The following NCOA1 variants were observed in gnomAD, a reference collection of about 807,000 sequenced individuals.
NCOA1 encodes Hin-2 protein.
A neutral mutation model predicts 150.9 loss-of-function variants in NCOA1; 35 were observed. The ratio of observed to expected loss-of-function variants is 0.23; its 90% confidence interval spans 0.18 to 0.31. NCOA1 has a LOEUF of 0.31. Among genes scored for constraint, NCOA1 ranks in the 10% least tolerant of loss-of-function variants. NCOA1 has a pLI of 1.00. For synonymous variants in NCOA1, 590 were observed against 630.0 expected (o/e 0.94, Z 0.95); for missense variants, 1,491 against 1,749.3 (o/e 0.85, Z 2.63).
chr2:24,666,043 G>A lies in NCOA1; in HGVS notation c.256+128G>A, dbSNP rs565268293. The A allele has an allele frequency of 1.0e-3, 533 of 523,034 alleles. 1 individual carries two copies. Among genetic ancestry groups the A allele is most frequent in the Non-Finnish European group, 1.3e-3 (500 of 396,144 alleles). 32.4% of individuals were successfully genotyped at this position (523,034 alleles called of 1,614,324 possible). A position where few individuals can be genotyped will look rare whatever the true frequency, so the allele number is the denominator to read the frequency against. Reference sequence around the variant, plus strand: ...TTATTATTTTTTGAGATGAAGTCCCGCTCTGTCGCCCAGGCTGGAGTGCAG... The same window carrying A: ...TTATTATTTTTTGAGATGAAGTCCCACTCTGTCGCCCAGGCTGGAGTGCAG... On this transcript the variant is annotated intron_variant, in intron 6 of 22. Coordinates refer to ENST00000348332, the MANE Select transcript of NCOA1 (RefSeq NM_003743.5).
At chr2:24,743,722 T>C (rs1176129268) in intron 19 of NCOA1, among the ~76,000 whole-genome samples, 1 of 152,156 alleles carries the variant, frequency 6.6e-6, no homozygotes, top group Non-Finnish European at 1.5e-5. Flanking sequence ...TCCCCATTCC[T>C]CCTCCAAAAT....
At position 24,594,627 on chromosome 2, in the gene NCOA1, C is replaced by T. The variant is rs868559603; in HGVS notation, c.-175+10067C>T. Reference sequence around the variant, plus strand: ...AGATGGTTTATAAAATCCTTAACATCGGTATTACTTGCCTACTTTTAATTA... The same window carrying T: ...AGATGGTTTATAAAATCCTTAACATTGGTATTACTTGCCTACTTTTAATTA... On this transcript the variant is annotated intron_variant, in intron 3 of 22. Transcript: ENST00000348332. Among the ~76,000 whole-genome samples the T allele has an allele frequency of 4.6e-5, 7 of 152,178 alleles. No individual in the cohort carries two copies. The South Asian group carries it at 6.2e-4, about 14-fold the overall frequency.
chr2:24,660,986 G>T (rs927206941), intron 5 of NCOA1, among the ~76,000 whole-genome samples: 1 of 152,062 alleles, frequency 6.6e-6, no homozygotes, highest in African/African-American at 2.4e-5. Flanking sequence ...ACTTGAACCC[G>T]GGAGGTGGAG....
intron 7 of NCOA1, among the ~76,000 whole-genome samples, chr2:24,677,848 T>A (rs1197099033): frequency 6.6e-6 from 1 of 151,388 alleles, no homozygotes; most frequent in Admixed American, 6.6e-5. Context: ...AGAGAAAGAG[T>A]GAGAGAATGA....
At chr2:24,544,482 C>T (rs566723942) in intron 1 of NCOA1, among the ~76,000 whole-genome samples, 21 of 152,242 alleles carry the variant, frequency 1.4e-4, no homozygotes, top group African/African-American at 4.8e-4. Context: ...GTGGCTCATG[C>T]CTGTAACCCC....
chr2:24,554,232 A>G (rs1349924622), intron 1 of NCOA1, among the ~76,000 whole-genome samples: 2 of 151,302 alleles, frequency 1.3e-5, no homozygotes, highest in African/African-American at 2.4e-5. Flanking sequence ...TCCTTTTTCT[A>G]CCTCCTTAAG....
chr2:24,505,020 A>ACAACACC (rs1663629326), intron 1 of NCOA1, among the ~76,000 whole-genome samples: 1 of 151,914 alleles, frequency 6.6e-6, no homozygotes, highest in Non-Finnish European at 1.5e-5. Context: ...GTGGTGGTTA[A>ACAACACC]AATAGTTGGC....
intron 17 of NCOA1, among the ~76,000 whole-genome samples, chr2:24,733,729 A>G (rs1193369311): frequency 6.6e-6 from 1 of 152,014 alleles, no homozygotes; most frequent in Admixed American, 6.6e-5. Flanking sequence ...GAGTGACAGA[A>G]CAAGACTCCA....
intron 1 of NCOA1, among the ~76,000 whole-genome samples, chr2:24,540,480 C>G (rs913160801): frequency 2.1e-5 from 3 of 144,690 alleles, no homozygotes. Context: ...TTTTTTGAGA[C>G]GGAGTTTCGC....
intron 10 of NCOA1, among the ~76,000 whole-genome samples, chr2:24,694,559 A>C (rs1672812816): frequency 6.6e-6 from 1 of 152,160 alleles, no homozygotes; most frequent in Non-Finnish European, 1.5e-5. Context: ...TTAGAGATAA[A>C]CTTCCAACTG....
chr2:24,558,738 T>C (rs1287034767), intron 1 of NCOA1, among the ~76,000 whole-genome samples: 3 of 152,030 alleles, frequency 2.0e-5, no homozygotes, highest in Non-Finnish European at 4.4e-5. Flanking sequence ...GACAGGAGAG[T>C]GGCTCAAATC....
At chr2:24,620,410 C>T (rs767927291) in intron 3 of NCOA1, among the ~76,000 whole-genome samples, 6 of 152,104 alleles carry the variant, frequency 3.9e-5, no homozygotes, top group Non-Finnish European at 8.8e-5. Flanking sequence ...TTGAGACCAG[C>T]CTGACCAACA....
At chr2:24,634,712 C>G (rs975989727) in intron 3 of NCOA1, among the ~76,000 whole-genome samples, 2 of 108,220 alleles carry the variant, frequency 1.8e-5, no homozygotes, top group East Asian at 3.6e-4. Flanking sequence ...GGAGGAACCC[C>G]CCCCCCCCCC....
chr2:24,515,188 A>G (rs1279928583), intron 1 of NCOA1, among the ~76,000 whole-genome samples: 1 of 152,196 alleles, frequency 6.6e-6, no homozygotes, highest in Non-Finnish European at 1.5e-5. Context: ...ATTTAGGAAC[A>G]ACTTATTTTG....
At chr2:24,503,451 G>A (rs986382282) in intron 1 of NCOA1, among the ~76,000 whole-genome samples, 5 of 152,154 alleles carry the variant, frequency 3.3e-5, no homozygotes, top group Non-Finnish European at 7.3e-5. Flanking sequence ...TTTCAACACA[G>A]TCTTCACAAT....
chr2:24,738,968 A>G (rs1285273863), intron 17 of NCOA1, among the ~76,000 whole-genome samples: 1 of 152,150 alleles, frequency 6.6e-6, no homozygotes, highest in Non-Finnish European at 1.5e-5. Context: ...TAGTACCTCC[A>G]AGTGAGAATA....
chr2:24,557,464 A>G (rs754634123), intron 1 of NCOA1, among the ~76,000 whole-genome samples: 8 of 151,504 alleles, frequency 5.3e-5, no homozygotes, highest in African/African-American at 1.7e-4. Context: ...TTATCTTCCA[A>G]TGCTCTTCGT....
At chr2:24,630,577 G>A (rs925622480) in intron 3 of NCOA1, among the ~76,000 whole-genome samples, 2 of 152,078 alleles carry the variant, frequency 1.3e-5, no homozygotes, top group Non-Finnish European at 2.9e-5. Context: ...ACTTACTAAT[G>A]GTGCTCAGAT....
At chr2:24,693,869 A>G (rs909538832) in intron 10 of NCOA1, among the ~76,000 whole-genome samples, 4 of 152,184 alleles carry the variant, frequency 2.6e-5, no homozygotes, top group Admixed American at 2.6e-4. Context: ...GTTATTTTTG[A>G]TGATGGAAGT....
Sources: gnomAD v4.1 joint callset for allele counts (sites outside exome capture counted in the v4.1 genomes callset) on GRCh38, gnomAD v4.1.1 for gene constraint, MANE v1.5 for transcripts, NCBI Gene and HGNC (gene_info 2026-07-23, HGNC 2026-07-21) for gene names.